ZP3: variants seen among roughly 807,000 people sequenced by gnomAD.
The protein encoded by ZP3 is zona pellucida glycoprotein 3.
A neutral mutation model predicts 35.6 loss-of-function variants in ZP3; 21 were observed. The ratio of observed to expected loss-of-function variants is 0.59; its 90% CI spans 0.42 to 0.85. The LOEUF (loss-of-function observed/expected upper bound fraction) is 0.85, where lower values mean the gene tolerates loss of function less well. ZP3 is among the 40% of genes least tolerant of loss of function. ZP3 has a pLI of 0.00. For synonymous variants in ZP3, 207 were observed against 214.5 expected, an observed-to-expected ratio of 0.96 and a Z score of 0.31; for missense variants, 437 against 536.5, an observed-to-expected ratio of 0.81 and a Z score of 1.83.
chr7:76,426,907 C>CACACACACACACACACCCACAA (rs57796274), intron 1 of ZP3, among the ~76,000 whole-genome samples: 1 of 126,870 alleles, frequency 7.9e-6, no homozygotes, highest in South Asian at 2.7e-4. Flanking sequence ...CACACACACA[C>CACACACACACACACACCCACAA]AATAGGGTGT....
At chr7:76,416,135 A>G (rs774836278) in intron 1 of ZP3, among the ~76,000 whole-genome samples, 14 of 151,270 alleles carry the variant, frequency 9.3e-5, no homozygotes, top group Non-Finnish European at 1.9e-4. Flanking sequence ...CGTCTCAAAA[A>G]AAAAGAAAGC....
intron 5 of ZP3, chr7:76,439,996 C>T (rs1179818532): frequency 2.4e-5 from 10 of 425,158 alleles, no homozygotes; most frequent in Non-Finnish European, 3.9e-5. Context: ...TACAGGTACC[C>T]ACCACCACGC....
chr7:76,438,012 G>T (rs1343774259), intron 5 of ZP3, among the ~76,000 whole-genome samples: 1 of 152,258 alleles, frequency 6.6e-6, no homozygotes, highest in African/African-American at 2.4e-5. Flanking sequence ...CTAAAAGTCT[G>T]AATTTACATG....
chr7:76,417,006 C>T (rs1362881973), intron 1 of ZP3, among the ~76,000 whole-genome samples: 2 of 146,468 alleles, frequency 1.4e-5, no homozygotes, highest in Non-Finnish European at 3.0e-5. Flanking sequence ...TAGTGAAAAG[C>T]ATCCCCATAT....
chr7:76,426,846 A>G (rs919657337), intron 1 of ZP3, among the ~76,000 whole-genome samples: 1 of 137,558 alleles, frequency 7.3e-6, no homozygotes, highest in African/African-American at 2.7e-5. Flanking sequence ...CCTGGGCAAC[A>G]TAATGAGACC....
At chr7:76,439,348 A>G (rs1363081423) in intron 5 of ZP3, among the ~76,000 whole-genome samples, 1 of 152,244 alleles carries the variant, frequency 6.6e-6, no homozygotes, top group African/African-American at 2.4e-5. Context: ...GCTGCTAGCT[A>G]TTAAGGTGTC....
In ZP3 at chr7:76,402,412, C is replaced by A. The variant is rs192104041; in HGVS notation, c.-67+4615C>A. Among the ~76,000 whole-genome samples, 501 of 152,098 alleles carry A rather than the reference C, an allele frequency of 3.3e-3. 1 individual carries two copies. Among genetic ancestry groups the A allele is most frequent in the Non-Finnish European group, 5.5e-3 (372 of 67,978 alleles). Reference sequence around the variant, plus strand: ...GGCCAGGCTAGTCTTGAACCCTTAACCTCAAGTGATCCGCCTGCCTCAGCC... The same window carrying A: ...GGCCAGGCTAGTCTTGAACCCTTAAACTCAAGTGATCCGCCTGCCTCAGCC... On this transcript the variant is annotated intron_variant, in intron 1 of 8. Coordinates refer to the ZP3 transcript ENST00000336517.
upstream of ZP3, among the ~76,000 whole-genome samples, chr7:76,421,070 G>A (rs1175110419): frequency 6.6e-6 from 1 of 151,904 alleles, no homozygotes; most frequent in African/African-American, 2.4e-5. Context: ...TGAGTAGCTG[G>A]GATTATAGGC....
At chr7:76,427,196 G>T (rs75520428) in intron 1 of ZP3, among the ~76,000 whole-genome samples, 2,231 of 152,208 alleles carry the variant, frequency 0.015, 23 homozygotes, top group Non-Finnish European at 0.024. Context: ...CTCTGGTGTG[G>T]TGTTTCCCAG....
intron 1 of ZP3, among the ~76,000 whole-genome samples, chr7:76,412,346 G>A (rs1805269386): frequency 6.6e-6 from 1 of 152,100 alleles, no homozygotes; most frequent in Non-Finnish European, 1.5e-5. Context: ...TCAAAATGAT[G>A]AAATTGCACA....
chr7:76,414,978 T>TG (rs1805335801), intron 1 of ZP3, among the ~76,000 whole-genome samples: 1 of 149,168 alleles, frequency 6.7e-6, no homozygotes, highest in East Asian at 2.0e-4. Context: ...CAATGAGTAT[T>TG]ACCAGTTTTC....
chr7:76,427,470 C>T (rs1389731873), intron 1 of ZP3, among the ~76,000 whole-genome samples: 3 of 144,324 alleles, frequency 2.1e-5, no homozygotes, highest in East Asian at 2.1e-4. Context: ...GAGTTGAGAT[C>T]GTGCCACTGC....
chr7:76,404,063 C>T (rs1804919126), intron 1 of ZP3, among the ~76,000 whole-genome samples: 1 of 152,164 alleles, frequency 6.6e-6, no homozygotes, highest in South Asian at 2.1e-4. Flanking sequence ...TTCTGTCCTT[C>T]CCTGTGCCCA....
At chr7:76,424,022 C>CT (rs1805583500), upstream of ZP3, among the ~76,000 whole-genome samples, 5 of 152,192 alleles carry the variant, frequency 3.3e-5, no homozygotes, top group South Asian at 1.0e-3. Context: ...ACCTACCCCC[C>CT]GGCCTCCCAT....
chr7:76,408,347 T>G (rs1439403904), intron 1 of ZP3, among the ~76,000 whole-genome samples: 2 of 152,050 alleles, frequency 1.3e-5, no homozygotes, highest in African/African-American at 4.8e-5. Context: ...TCCTTCTGCC[T>G]GGACTGGGGA....
chr7:76,403,996 T>C (rs1474008575), intron 1 of ZP3, among the ~76,000 whole-genome samples: 1 of 152,098 alleles, frequency 6.6e-6, no homozygotes, highest in African/African-American at 2.4e-5. Context: ...CTAGGTCATT[T>C]GATTTCATCT....
rs916133209 is a variant in ZP3 at position 76,425,002 on chromosome 7, T to C, written c.38T>C (p.Leu13Pro). 8.3e-6 allele frequency: 13 copies of C among 1,563,906 alleles called. No homozygotes were observed. The African/African-American group carries it at 1.6e-4, about 20-fold the overall frequency. Reference protein sequence around the residue: ...LSYRLFICLLLWGSTELCYPQ... With the variant: ...LSYRLFICLLPWGSTELCYPQ... ...TATAGGCTCTTCATCTGCCTCCTGC[T>C]CTGGGGTAGTACTGAGCTGTGCTAC... The change falls in exon 1 of 8, where the codon CTC (leucine) becomes CCC (proline). Residue 13 changes from leucine to proline, a missense_variant. Leu to Pro is a moderately conservative substitution (Grantham distance 98, BLOSUM62 -3). Coordinates refer to ENST00000394857, the MANE Select transcript of ZP3 (RefSeq NM_001110354.2).
chr7:76,413,391 T>C (rs1285051328), intron 1 of ZP3, among the ~76,000 whole-genome samples: 1 of 152,122 alleles, frequency 6.6e-6, no homozygotes, highest in Non-Finnish European at 1.5e-5. Flanking sequence ...GCTTCCTGCG[T>C]AGCTGGGACT....
intron 1 of ZP3, among the ~76,000 whole-genome samples, chr7:76,417,614 CTTT>C (rs199614229): frequency 7.0e-6 from 1 of 143,222 alleles, no homozygotes. Context: ...TTCTTTTATT[CTTT>C]TTTTTTTTTT....
Sources: allele counts gnomAD v4.1 joint callset (sites outside exome capture counted in the v4.1 genomes callset), GRCh38; gene constraint gnomAD v4.1.1; transcripts MANE v1.5; gene names NCBI Gene and HGNC (gene_info 2026-07-23, HGNC 2026-07-21).